PALM2AKAP2: variants seen among roughly 807,000 people sequenced by gnomAD.
PALM2AKAP2 encodes the protein PALM2-AKAP2 fusion protein.
In PALM2AKAP2, 37 loss-of-function variants were observed where a neutral mutation model predicts 71.5. That is an observed-to-expected ratio of 0.52 (90% CI 0.40 to 0.68). The LOEUF (loss-of-function observed/expected upper bound fraction) is 0.68, where lower values mean the gene tolerates loss of function less well. PALM2AKAP2 is among the 30% of genes least tolerant of loss of function. The probability of loss-of-function intolerance (pLI) is 0.00; values close to 1 mark genes in which losing one functional copy is unlikely to be tolerated. For missense variants in PALM2AKAP2, 1,224 were observed against 1,191.8 expected, an observed-to-expected ratio of 1.03 and a Z score of -0.40; for synonymous variants, 468 against 478.8, an observed-to-expected ratio of 0.98 and a Z score of 0.29.
intron 3 of PALM2AKAP2, among the ~76,000 whole-genome samples, chr9:109,905,426 G>T (rs1353916095): frequency 6.6e-6 from 1 of 152,210 alleles, no homozygotes; most frequent in East Asian, 1.9e-4. Flanking sequence ...CCTTCTCACT[G>T]CCATTTGTAA....
rs576663965 is a variant in PALM2AKAP2, at chr9:109,998,102, A to T, written c.497-17852A>T. ...TGTCTGTGCAGAGACTCTAGTGAGG[A>T]AGAGAGCTAACCCCATTCTTTTTGT... On this transcript the variant is annotated intron_variant, in intron 6 of 9. Coordinates refer to the PALM2AKAP2 transcript ENST00000302798. Among the ~76,000 whole-genome samples, 29 of 150,192 alleles carry T rather than the reference A, an allele frequency of 1.9e-4. 1 individual carries two copies. In the South Asian group the frequency reaches 4.9e-3, roughly 25 times the overall value.
intron 5 of PALM2AKAP2, among the ~76,000 whole-genome samples, chr9:109,931,053 G>T (rs900326324): frequency 3.3e-5 from 5 of 152,188 alleles, no homozygotes; most frequent in African/African-American, 9.7e-5. Flanking sequence ...GCAAGGAAGG[G>T]ATCACATCTC....
chr9:109,986,170 A>G (rs1832374551), intron 6 of PALM2AKAP2, among the ~76,000 whole-genome samples: 1 of 152,236 alleles, frequency 6.6e-6, no homozygotes, highest in Non-Finnish European at 1.5e-5. Flanking sequence ...CCTTGAGTCA[A>G]CGTTTGAGAA....
chr9:110,011,014 A>AAAAAATATATATATATATAT (rs35212981), intron 6 of PALM2AKAP2, among the ~76,000 whole-genome samples: 1 of 69,588 alleles, frequency 1.4e-5, no homozygotes, highest in African/African-American at 7.8e-5. Context: ...AAAAAAAAAA[A>AAAAAATATATATATATATAT]ATATATATAT....
At chr9:110,088,188 C>G (rs1834615552) in intron 1 of PALM2AKAP2, among the ~76,000 whole-genome samples, 1 of 151,252 alleles carries the variant, frequency 6.6e-6, no homozygotes, top group South Asian at 2.1e-4. Flanking sequence ...ACAGAATTGT[C>G]TGGGGTTTAA....
At chr9:109,712,016 T>TGTGTGA in intron 1 of PALM2AKAP2, among the ~76,000 whole-genome samples, 1 of 151,206 alleles carries the variant, frequency 6.6e-6, no homozygotes, top group African/African-American at 2.4e-5. Flanking sequence ...TGTGTGTGTG[T>TGTGTGA]GTGTGAGCAA....
At chr9:109,769,098 C>G (rs771753366) in intron 1 of PALM2AKAP2, among the ~76,000 whole-genome samples, 21 of 150,592 alleles carry the variant, frequency 1.4e-4, no homozygotes, top group Admixed American at 6.6e-5. Context: ...TTATCAGAAC[C>G]CATAAAAATA....
chr9:110,047,808 G>A (rs181588979), upstream of PALM2AKAP2, among the ~76,000 whole-genome samples: 155 of 152,280 alleles, frequency 1.0e-3, 1 homozygote, highest in Non-Finnish European at 1.7e-3. Flanking sequence ...CCTCTCTCAG[G>A]ATTTCTAGAC....
chr9:109,706,926 C>T (rs569328262), intron 1 of PALM2AKAP2, among the ~76,000 whole-genome samples: 44 of 152,186 alleles, frequency 2.9e-4, no homozygotes, highest in African/African-American at 9.6e-4. Context: ...GAAGTGACTA[C>T]TAAGGGTATT....
At chr9:109,827,850 T>TA (rs1828195163) in intron 1 of PALM2AKAP2, among the ~76,000 whole-genome samples, 1 of 152,136 alleles carries the variant, frequency 6.6e-6, no homozygotes, top group Non-Finnish European at 1.5e-5. Context: ...TTACGGTGTG[T>TA]AAAACTTCAG....
intron 1 of PALM2AKAP2, among the ~76,000 whole-genome samples, chr9:110,120,430 T>C (rs1835457466): frequency 6.6e-6 from 1 of 152,226 alleles, no homozygotes; most frequent in Admixed American, 6.5e-5. Flanking sequence ...CCCTTAAATG[T>C]CACCAGTAGC....
At chr9:109,895,235 G>A (rs1011171969) in intron 3 of PALM2AKAP2, among the ~76,000 whole-genome samples, 1 of 152,226 alleles carries the variant, frequency 6.6e-6, no homozygotes, top group Non-Finnish European at 1.5e-5. Flanking sequence ...GAAAGCAGCT[G>A]TTTCATAAAC....
intron 3 of PALM2AKAP2, among the ~76,000 whole-genome samples, chr9:110,167,479 C>CA (rs59534644): frequency 2.0e-5 from 3 of 151,884 alleles, no homozygotes; most frequent in African/African-American, 7.3e-5. Context: ...GGAATCTCTT[C>CA]TTGATCAAAC....
At chr9:110,093,645 A>G (rs1256697254) in intron 1 of PALM2AKAP2, among the ~76,000 whole-genome samples, 1 of 152,158 alleles carries the variant, frequency 6.6e-6, no homozygotes, top group Non-Finnish European at 1.5e-5. Flanking sequence ...CCCAAACCTG[A>G]CATTTGTGAT....
chr9:109,937,386 T>C (rs1307239884), intron 6 of PALM2AKAP2, among the ~76,000 whole-genome samples: 1 of 152,114 alleles, frequency 6.6e-6, no homozygotes, highest in African/African-American at 2.4e-5. Flanking sequence ...GAAAGAATTA[T>C]TAGGGAGCAA....
At chr9:109,753,663 TG>T (rs1828917853) in intron 1 of PALM2AKAP2, among the ~76,000 whole-genome samples, 1 of 152,156 alleles carries the variant, frequency 6.6e-6, no homozygotes, top group African/African-American at 2.4e-5. Context: ...CCATATATCA[TG>T]GGGAATTTGA....
At chr9:110,124,677 A>G (rs1286111226) in intron 1 of PALM2AKAP2, among the ~76,000 whole-genome samples, 1 of 152,166 alleles carries the variant, frequency 6.6e-6, no homozygotes, top group Non-Finnish European at 1.5e-5. Context: ...GCAAATGCAC[A>G]TCTGTTTTCT....
intron 1 of PALM2AKAP2, among the ~76,000 whole-genome samples, chr9:109,687,147 G>T (rs1827818156): frequency 6.6e-6 from 1 of 152,122 alleles, no homozygotes; most frequent in Non-Finnish European, 1.5e-5. Flanking sequence ...AGGCAGAGTA[G>T]ATTCGCATAA....
At chr9:109,846,289 G>A (rs1214714422) in intron 1 of PALM2AKAP2, among the ~76,000 whole-genome samples, 1 of 152,216 alleles carries the variant, frequency 6.6e-6, no homozygotes, top group Admixed American at 6.5e-5. Context: ...TGTGATAACA[G>A]GGACCTGCTT....
Sources: allele counts gnomAD v4.1 joint callset (sites outside exome capture counted in the v4.1 genomes callset), GRCh38; gene constraint gnomAD v4.1.1; transcripts MANE v1.5; gene names NCBI Gene and HGNC (gene_info 2026-07-23, HGNC 2026-07-21).